STARD13: variants seen among roughly 807,000 people sequenced by gnomAD.
The protein encoded by STARD13 is StAR related lipid transfer domain containing 13.
Under a neutral mutation model 106.4 loss-of-function variants are expected in STARD13, and 62 were observed. The ratio of observed to expected loss-of-function variants is 0.58; its 90% CI spans 0.48 to 0.72. The LOEUF (loss-of-function observed/expected upper bound fraction) is 0.72. STARD13 is among the 30% of genes least tolerant of loss of function. STARD13 has a pLI of 0.00. For missense variants in STARD13, 1,387 were observed against 1,424.0 expected (o/e 0.97, Z 0.42); for synonymous variants, 565 against 553.0 (o/e 1.02, Z -0.31).
chr13:33,438,462 A>T, the STARD13 span, among the ~76,000 whole-genome samples: 1 of 152,200 alleles, frequency 6.6e-6, no homozygotes, highest in Non-Finnish European at 1.5e-5. Flanking sequence ...CTTAGCTGCC[A>T]GGTGGTTGAG....
At chr13:33,142,910 G>A (rs79900791) in intron 3 of STARD13, among the ~76,000 whole-genome samples, 3 of 152,314 alleles carry the variant, frequency 2.0e-5, no homozygotes, top group South Asian at 2.1e-4. Context: ...AATGTCCAAC[G>A]TGATTGATTT....
chr13:33,534,801 T>G, the STARD13 span, among the ~76,000 whole-genome samples: 1 of 152,196 alleles, frequency 6.6e-6, no homozygotes, highest in African/African-American at 2.4e-5. Flanking sequence ...AAGTTATGGT[T>G]ATCTACCATC....
chr13:33,360,565 G>A, the STARD13 span, among the ~76,000 whole-genome samples: 4 of 140,092 alleles, frequency 2.9e-5, no homozygotes, highest in Admixed American at 2.9e-4. Flanking sequence ...CACATCGTTA[G>A]TAAAGGAGAG....
chr13:33,218,343 G>A (rs1216114132), intron 1 of STARD13, among the ~76,000 whole-genome samples: 2 of 152,180 alleles, frequency 1.3e-5, no homozygotes, highest in Non-Finnish European at 2.9e-5. Flanking sequence ...AGGTTTCCAG[G>A]TGAAGGGTAA....
the STARD13 span, among the ~76,000 whole-genome samples, chr13:33,488,959 C>A: frequency 2.0e-5 from 3 of 152,204 alleles, no homozygotes; most frequent in Non-Finnish European, 1.5e-5. Flanking sequence ...CCTCAAGTCC[C>A]TCAGATTCAT....
At chr13:33,140,306 A>G (rs1233105945) in intron 4 of STARD13, among the ~76,000 whole-genome samples, 1 of 152,232 alleles carries the variant, frequency 6.6e-6, no homozygotes, top group African/African-American at 2.4e-5. Flanking sequence ...TAGACCAGCC[A>G]TTTGAGGAGC....
chr13:33,365,638 G>T, the STARD13 span, among the ~76,000 whole-genome samples: 1 of 152,220 alleles, frequency 6.6e-6, no homozygotes, highest in African/African-American at 2.4e-5. Context: ...TGGATGAATA[G>T]TGGGAGAGTT....
chr13:33,434,078 C>T, the STARD13 span, among the ~76,000 whole-genome samples: 11 of 152,082 alleles, frequency 7.2e-5, no homozygotes, highest in Admixed American at 2.6e-4. Flanking sequence ...AGAGGCCAGG[C>T]GCTGTGGCTC....
At chr13:33,297,617 AG>A (rs1287731917) in intron 1 of STARD13, among the ~76,000 whole-genome samples, 2 of 151,776 alleles carry the variant, frequency 1.3e-5, no homozygotes, top group African/African-American at 2.4e-5. Context: ...AAAAAAAAAA[AG>A]CATGCTAAAG....
chr13:33,304,661 C>T (rs928870786), intron 1 of STARD13, among the ~76,000 whole-genome samples: 1 of 152,100 alleles, frequency 6.6e-6, no homozygotes, highest in Non-Finnish European at 1.5e-5. Flanking sequence ...CTAAGATCTA[C>T]CCTAAATAAT....
chr13:33,289,835 T>G (rs763288362), upstream of STARD13, among the ~76,000 whole-genome samples: 8 of 151,898 alleles, frequency 5.3e-5, no homozygotes, highest in Non-Finnish European at 5.9e-5. Context: ...AGGTGAGGAC[T>G]AGAGACTCTC....
At chr13:33,639,032 G>A in the STARD13 span, among the ~76,000 whole-genome samples, 2 of 152,048 alleles carry the variant, frequency 1.3e-5, no homozygotes, top group East Asian at 1.9e-4. Context: ...CTAGGGGCTG[G>A]AGATAAAGTA....
chr13:33,208,947 C>T (rs1887566232), intron 1 of STARD13, among the ~76,000 whole-genome samples: 1 of 152,200 alleles, frequency 6.6e-6, no homozygotes, highest in Non-Finnish European at 1.5e-5. Flanking sequence ...GGTACAGCCA[C>T]ATAGTGAAAT....
chr13:33,296,658 A>G (rs1399834904), intron 1 of STARD13, among the ~76,000 whole-genome samples: 2 of 152,046 alleles, frequency 1.3e-5, no homozygotes, highest in Non-Finnish European at 2.9e-5. Flanking sequence ...TGCTCTTGTC[A>G]TCCAGGCTGG....
the STARD13 span, among the ~76,000 whole-genome samples, chr13:33,398,621 A>G: frequency 7.2e-6 from 1 of 139,658 alleles, no homozygotes; most frequent in Non-Finnish European, 1.5e-5. Flanking sequence ...GACAAGGAAT[A>G]TGGGGAAAAA....
intron 10 of STARD13, among the ~76,000 whole-genome samples, chr13:33,111,174 C>T (rs1291288417): frequency 6.6e-6 from 1 of 152,190 alleles, no homozygotes; most frequent in African/African-American, 2.4e-5. Flanking sequence ...TTTATTTTAC[C>T]TTTACTGTCT....
At chr13:33,394,253 T>C in the STARD13 span, among the ~76,000 whole-genome samples, 1 of 152,088 alleles carries the variant, frequency 6.6e-6, no homozygotes, top group Admixed American at 6.5e-5. Flanking sequence ...GTCCTATGAA[T>C]GGGTCTATAA....
chr13:33,260,922 G>A (rs934585269), intron 1 of STARD13, among the ~76,000 whole-genome samples: 1 of 152,082 alleles, frequency 6.6e-6, no homozygotes, highest in South Asian at 2.1e-4. Context: ...CCTAAGCCAC[G>A]TCCTTCCCGT....
At position 33,282,219 on chromosome 13, in the gene STARD13, G is replaced by A. The variant is rs1013873957; in HGVS notation, c.169+3251C>T. Among the ~76,000 whole-genome samples the A allele has an allele frequency of 5.3e-5, 8 of 152,142 alleles. No homozygotes were observed. In the South Asian group the frequency reaches 1.5e-3, roughly 28 times the overall value. ...AGGGATTATGGGCAGTATGACTTAT[G>A]ATAAACTTTCACTCTGCAAAACAAC... On this transcript the variant is annotated intron_variant, in intron 1 of 13. Coordinates refer to ENST00000336934, the MANE Select transcript of STARD13 (RefSeq NM_178006.4).
Sources: allele counts gnomAD v4.1 joint callset (sites outside exome capture counted in the v4.1 genomes callset), GRCh38; gene constraint gnomAD v4.1.1; transcripts MANE v1.5; gene names NCBI Gene and HGNC (gene_info 2026-07-23, HGNC 2026-07-21).